Variants in SLC25A48 observed in about 807,000 individuals in gnomAD.
SLC25A48 encodes the protein solute carrier family 25 member 48, also known as CTC-321K16.1.
A neutral mutation model predicts 32.2 loss-of-function variants in SLC25A48; 29 were observed. The observed-to-expected ratio is 0.90, with a 90% confidence interval of 0.67 to 1.23. The LOEUF is 1.23. Ranked by LOEUF, SLC25A48 falls within the 50% of genes most tolerant of loss-of-function variation. The pLI is 0.00. For synonymous variants in SLC25A48, 164 were observed against 172.3 expected (o/e 0.95, Z 0.38); for missense variants, 399 against 422.7 (o/e 0.94, Z 0.49).
At chr5:135,792,850 A>G (rs571925072) in intron 3 of SLC25A48, among the ~76,000 whole-genome samples, 16 of 151,790 alleles carry the variant, frequency 1.1e-4, no homozygotes, top group Admixed American at 9.2e-4. Flanking sequence ...CAAATATATT[A>G]TTCATAATAT....
intron 1 of SLC25A48, among the ~76,000 whole-genome samples, chr5:135,605,880 A>G (rs1246648283): frequency 6.6e-6 from 1 of 152,200 alleles, no homozygotes; most frequent in Non-Finnish European, 1.5e-5. Flanking sequence ...GGTATTGTCA[A>G]AGAGAAGCTT....
intron 1 of SLC25A48, among the ~76,000 whole-genome samples, chr5:135,593,410 C>T (rs1449137479): frequency 6.6e-6 from 1 of 152,214 alleles, no homozygotes; most frequent in Non-Finnish European, 1.5e-5. Context: ...AACCTCAGGT[C>T]AACACTCAAT....
rs1234825296 is a variant in SLC25A48, at chr5:135,782,661, G to A, written c.-520-29862G>A. ...CGAAAAGGCTGTATACCCCTCCCGTGATATCGTTCCTAATAACCAGGAAGG... is the reference window on the plus strand; with the variant it reads ...CGAAAAGGCTGTATACCCCTCCCGTAATATCGTTCCTAATAACCAGGAAGG... On this transcript the variant is annotated intron_variant, in intron 3 of 10. Coordinates refer to the SLC25A48 transcript ENST00000646290. 1.7e-5 allele frequency among the ~76,000 whole-genome samples: 2 copies of A among 117,402 alleles called. 1 individual carries two copies. The highest frequency in any genetic ancestry group is 4.2e-5 in the Non-Finnish European group (2 of 47,416). The allele number at this position is 117,402 out of a possible 152,430, so 77.0% of individuals were successfully genotyped here.
intron 4 of SLC25A48, among the ~76,000 whole-genome samples, chr5:135,861,306 T>TAC (rs997670973): frequency 1.5e-5 from 2 of 132,710 alleles, no homozygotes; most frequent in South Asian, 2.3e-4. Context: ...GTCCATCAAA[T>TAC]ACACACGCAC....
intron 3 of SLC25A48, among the ~76,000 whole-genome samples, chr5:135,776,458 C>T (rs1756564510): frequency 1.3e-5 from 2 of 151,678 alleles, no homozygotes; most frequent in East Asian, 1.9e-4. Flanking sequence ...ACTTATAATA[C>T]CGCAGGAGGT....
chr5:135,834,172 C>T (rs1758317819), upstream of SLC25A48, among the ~76,000 whole-genome samples: 1 of 152,202 alleles, frequency 6.6e-6, no homozygotes, highest in South Asian at 2.1e-4. Context: ...GTTTGAGGTA[C>T]AGAGCACCAC....
intron 3 of SLC25A48, among the ~76,000 whole-genome samples, chr5:135,761,755 G>A (rs1461116137): frequency 6.6e-6 from 1 of 152,228 alleles, no homozygotes; most frequent in East Asian, 1.9e-4. Flanking sequence ...ATCCTACCCT[G>A]TGTGGGCAGT....
At chr5:135,754,512 CTG>C (rs1319540383) in intron 3 of SLC25A48, among the ~76,000 whole-genome samples, 1 of 151,638 alleles carries the variant, frequency 6.6e-6, no homozygotes, top group Non-Finnish European at 1.5e-5. Flanking sequence ...AAATATCACT[CTG>C]ATATTAATAA....
chr5:135,882,144 T>C (rs1390027072), intron 7 of SLC25A48, among the ~76,000 whole-genome samples: 1 of 152,250 alleles, frequency 6.6e-6, no homozygotes, highest in Non-Finnish European at 1.5e-5. Context: ...GGGGCATAGA[T>C]GTCTGTCTCC....
At chr5:135,854,086 C>A (rs4976503) in intron 4 of SLC25A48, among the ~76,000 whole-genome samples, 2 of 151,986 alleles carry the variant, frequency 1.3e-5, no homozygotes, top group African/African-American at 4.8e-5. Flanking sequence ...GTCTCAACAG[C>A]GGACCTAAAA....
intron 4 of SLC25A48, among the ~76,000 whole-genome samples, chr5:135,857,883 G>C (rs927452416): frequency 6.6e-6 from 1 of 152,040 alleles, no homozygotes; most frequent in Admixed American, 6.5e-5. Context: ...CATCAGGGAA[G>C]TCCTTAAAGG....
intron 3 of SLC25A48, among the ~76,000 whole-genome samples, chr5:135,783,193 T>G (rs1756759525): frequency 8.3e-6 from 1 of 120,958 alleles, no homozygotes; most frequent in African/African-American, 2.5e-5. Flanking sequence ...GTGATATTGT[T>G]CCTAATATTT....
chr5:135,872,098 A>T, intron 5 of SLC25A48: 1 of 954,992 alleles, frequency 1.0e-6, no homozygotes, highest in Non-Finnish European at 1.4e-6. Flanking sequence ...CATTTCACAG[A>T]TGAGAAAACT....
intron 4 of SLC25A48, among the ~76,000 whole-genome samples, chr5:135,814,389 A>G (rs942021808): frequency 6.6e-6 from 1 of 152,210 alleles, no homozygotes; most frequent in Non-Finnish European, 1.5e-5. Context: ...AACTGCACGC[A>G]GCAGTGAGGG....
chr5:135,816,011 A>G (rs1031297967), intron 4 of SLC25A48, among the ~76,000 whole-genome samples: 4 of 152,192 alleles, frequency 2.6e-5, no homozygotes, highest in Admixed American at 6.5e-5. Context: ...ATGGCTGGGG[A>G]GGCCTCAGGA....
In SLC25A48 at chr5:135,708,209, A is replaced by G. The variant is rs547412268; in HGVS notation, c.-521+73253A>G. On this transcript the variant is annotated intron_variant, in intron 3 of 10. Transcript: ENST00000646290. ...TTTTAAGCACCTGCAAAAATAGAAT[A>G]GCATAAACCACACCTATGTACCCAT... is the stretch of plus-strand genomic sequence containing the variant. Among the ~76,000 whole-genome samples, 56 of 152,334 alleles carry G rather than the reference A, an allele frequency of 3.7e-4. 1 individual carries two copies. The highest frequency in any genetic ancestry group is 1.3e-3 in the African/African-American group (53 of 41,570).
chr5:135,627,952 G>A (rs899674452), intron 1 of SLC25A48, among the ~76,000 whole-genome samples: 2 of 152,178 alleles, frequency 1.3e-5, no homozygotes, highest in South Asian at 2.1e-4. Flanking sequence ...AAGGATACAG[G>A]CCCTGCCCAC....
At chr5:135,793,426 A>C in intron 3 of SLC25A48, among the ~76,000 whole-genome samples, 1 of 151,666 alleles carries the variant, frequency 6.6e-6, no homozygotes, top group Non-Finnish European at 1.5e-5. Context: ...CAGTTTGTTT[A>C]CACCATATTT....
Position 135,611,496 on chromosome 5 carries a change from C to CAAA in SLC25A48, c.-848-17712_-848-17710dup, listed in dbSNP as rs57138043. 4.6e-3 allele frequency among the ~76,000 whole-genome samples: 99 copies of CAAA among 21,342 alleles called. 12 individuals are homozygous for CAAA. Among genetic ancestry groups the CAAA allele is most frequent in the East Asian group, 0.018 (4 of 224 alleles). 14.0% of individuals were successfully genotyped at this position (21,342 alleles called of 152,430 possible). ...TCGGTGACAGAGCGAGACTCCATCT[C>CAAA]AAAAAAAAAAAAAAAAAAAAAAAAA... On this transcript the variant is annotated intron_variant, in intron 1 of 10. Coordinates refer to the SLC25A48 transcript ENST00000646290.
Sources: allele counts gnomAD v4.1 joint callset (sites outside exome capture counted in the v4.1 genomes callset), GRCh38; gene constraint gnomAD v4.1.1; transcripts MANE v1.5; gene names NCBI Gene and HGNC (gene_info 2026-07-23, HGNC 2026-07-21).